Variants in RXFP2 observed in about 807,000 individuals in gnomAD.
RXFP2 encodes the protein relaxin family peptide receptor 2.
A neutral mutation model predicts 88.6 loss-of-function variants in RXFP2; 68 were observed. The ratio of observed to expected loss-of-function variants is 0.77; its 90% CI spans 0.63 to 0.94. RXFP2 has a LOEUF of 0.94. Among genes scored for constraint, RXFP2 ranks in the 40% least tolerant of loss-of-function variants. The pLI, the probability that RXFP2 is intolerant of heterozygous loss-of-function variation, is 0.00. For synonymous variants in RXFP2, 329 were observed against 306.8 expected (o/e 1.07, Z -0.76); for missense variants, 791 against 893.9 (o/e 0.88, Z 1.47).
At chr13:31,774,246 T>C (rs1872841835) in intron 5 of RXFP2, among the ~76,000 whole-genome samples, 1 of 152,218 alleles carries the variant, frequency 6.6e-6, no homozygotes, top group Non-Finnish European at 1.5e-5. Context: ...TGCATCTCTG[T>C]GCACAAAGAG....
chr13:31,790,262 G>A (rs1198295189), intron 14 of RXFP2, among the ~76,000 whole-genome samples: 5 of 152,054 alleles, frequency 3.3e-5, no homozygotes, highest in Non-Finnish European at 7.4e-5. Flanking sequence ...TGGTCACAGC[G>A]CAAGGGGGCC....
At chr13:31,771,858 G>C (rs931487819) in intron 5 of RXFP2, among the ~76,000 whole-genome samples, 13 of 151,540 alleles carry the variant, frequency 8.6e-5, no homozygotes, top group Non-Finnish European at 1.5e-5. Context: ...GGGGACTGTT[G>C]TCCTGCGAGA....
chr13:31,788,807 C>T (rs981530395), intron 13 of RXFP2, among the ~76,000 whole-genome samples: 1 of 152,188 alleles, frequency 6.6e-6, no homozygotes, highest in Non-Finnish European at 1.5e-5. Context: ...TATGGCATTA[C>T]TTATATTAAT....
chr13:31,803,113 G>A lies in RXFP2; in HGVS notation c.*708G>A, dbSNP rs1265868439. The A allele has an allele frequency of 6.6e-6, 1 of 152,244 alleles. No individual in the cohort carries two copies. The highest frequency in any genetic ancestry group is 1.5e-5 in the Non-Finnish European group (1 of 68,114). 9.4% of individuals were successfully genotyped at this position (152,244 alleles called of 1,614,324 possible). On this transcript the variant is annotated 3_prime_UTR_variant, in exon 18 of 18. Coordinates refer to ENST00000298386, the MANE Select transcript of RXFP2 (RefSeq NM_130806.5). ...CACAAACAAATTGGACACTTTCACT[G>A]CTAAAAAGTACACTTTAATATTCTT...
Position 31,791,931 on chromosome 13 carries a change from T to G in RXFP2, c.1271T>G (p.Val424Gly). 6.2e-7 allele frequency: 1 copy of G among 1,614,186 alleles called. No homozygotes were observed. Among genetic ancestry groups the G allele is most frequent in the Non-Finnish European group, 8.5e-7 (1 of 1,180,010 alleles). ...ANNILRIFVW[V>G]IAFITCFGNL... ...AATATCCTCAGAATATTTGTCTGGG[T>G]TATAGCTTTCATTACCTGCTTTGGA... Residue 424 changes from valine to glycine, a missense_variant, in exon 15 of 18, where the codon GTT becomes GGT. Coordinates refer to ENST00000298386, the MANE Select transcript of RXFP2 (RefSeq NM_130806.5).
chr13:31,778,146 C>A (rs1360845169), intron 8 of RXFP2, among the ~76,000 whole-genome samples: 1 of 152,056 alleles, frequency 6.6e-6, no homozygotes, highest in African/African-American at 2.4e-5. Flanking sequence ...TAATGATGCC[C>A]TTAAGAAGAA....
chr13:31,742,867 C>CTATT (rs1871270769), intron 1 of RXFP2, among the ~76,000 whole-genome samples: 1 of 143,526 alleles, frequency 7.0e-6, no homozygotes, highest in Non-Finnish European at 1.5e-5. Flanking sequence ...CAGTACATAT[C>CTATT]TATTTAAGAG....
chr13:31,802,234 T>TA lies in RXFP2; in HGVS notation c.2096dup (p.Asp700GlyfsTer19). 1 of 1,614,044 alleles carries TA rather than the reference T, an allele frequency of 6.2e-7. No individual in the cohort carries two copies. Among genetic ancestry groups the TA allele is most frequent in the South Asian group, 1.1e-5 (1 of 91,072 alleles). ...TCTATACTCTCACAACCAACTTTTTTAAGGACAAGTTGAAACAGCTGCTGC... is the reference window on the plus strand; with the variant it reads ...TCTATACTCTCACAACCAACTTTTTTAAAGGACAAGTTGAAACAGCTGCTGC... On this transcript the variant is annotated frameshift_variant, in exon 18 of 18. Coordinates refer to ENST00000298386, the MANE Select transcript of RXFP2 (RefSeq NM_130806.5). LOFTEE classifies it high-confidence loss of function.
chr13:31,792,520 G>A (rs1334836075), intron 15 of RXFP2, among the ~76,000 whole-genome samples, 158 bp from the exon 16 acceptor site: 3 of 151,958 alleles, frequency 2.0e-5, no homozygotes, highest in South Asian at 2.1e-4. Context: ...AAGTCCACTC[G>A]CTTCTTGGTA....
intron 16 of RXFP2, among the ~76,000 whole-genome samples, chr13:31,793,763 C>T (rs1301693014): frequency 2.0e-5 from 3 of 152,106 alleles, no homozygotes; most frequent in East Asian, 3.8e-4. Context: ...CTCTTTGGGG[C>T]GATCTTCTTT....
At chr13:31,739,819 C>T in intron 1 of RXFP2, 113 bp downstream of exon 1, 1 of 743,502 alleles carries the variant, frequency 1.3e-6, no homozygotes, top group Non-Finnish European at 2.4e-6. Flanking sequence ...AAAAAACAGA[C>T]ATCAAATTTG....
intron 4 of RXFP2, 80 bp downstream of exon 4, chr13:31,765,222 T>C (rs1325967992): frequency 1.2e-6 from 1 of 838,440 alleles, no homozygotes; most frequent in Non-Finnish European, 2.1e-6. Flanking sequence ...GTGTTGCTTG[T>C]GCATTAGCAA....
At chr13:31,797,641 A>G (rs1328561472) in intron 17 of RXFP2, among the ~76,000 whole-genome samples, 1 of 152,220 alleles carries the variant, frequency 6.6e-6, no homozygotes, top group Non-Finnish European at 1.5e-5. Flanking sequence ...ACTAAGTCTG[A>G]GTATCTTGCT....
chr13:31,794,401 CACACACACCAT>C (rs1873933597), intron 16 of RXFP2, among the ~76,000 whole-genome samples: 1 of 149,624 alleles, frequency 6.7e-6, no homozygotes, highest in Admixed American at 6.7e-5. Flanking sequence ...CACACACACA[CACACACACCAT>C]GACATGCATT....
At chr13:31,794,223 A>G (rs1253655972) in intron 16 of RXFP2, among the ~76,000 whole-genome samples, 1 of 152,016 alleles carries the variant, frequency 6.6e-6, no homozygotes, top group Non-Finnish European at 1.5e-5. Context: ...CTCACACACT[A>G]CCCTATTTGG....
chr13:31,778,946 T>A (rs1873127855), intron 9 of RXFP2, among the ~76,000 whole-genome samples: 1 of 152,110 alleles, frequency 6.6e-6, no homozygotes, highest in African/African-American at 2.4e-5. Context: ...ACATTTCCTT[T>A]GAAAGACAAC....
At chr13:31,756,985 T>C (rs918073682) in intron 1 of RXFP2, among the ~76,000 whole-genome samples, 2 of 152,220 alleles carry the variant, frequency 1.3e-5, no homozygotes, top group Admixed American at 1.3e-4. Flanking sequence ...TGTCTCTTTA[T>C]TTTCTGAAAA....
intron 13 of RXFP2, 95 bp from the exon 14 acceptor site, chr13:31,789,027 A>T: frequency 1.2e-6 from 1 of 812,872 alleles, no homozygotes; most frequent in Non-Finnish European, 2.1e-6. Flanking sequence ...TGGTAACATA[A>T]GATCTTGAAG....
In RXFP2 at chr13:31,792,678, G is replaced by A. The variant is rs1053235209; in HGVS notation, c.1376G>A (p.Cys459Tyr). 10 of 1,613,870 alleles carry A rather than the reference G, an allele frequency of 6.2e-6. No homozygotes were observed. Among genetic ancestry groups the A allele is most frequent in the Non-Finnish European group, 8.5e-6 (10 of 1,179,946 alleles). ...ATACACTGTTTCAATTCTTCCACAGGTGCTGATTGCCTGATGGGTGTTTAC... is the reference window on the plus strand; with the variant it reads ...ATACACTGTTTCAATTCTTCCACAGATGCTGATTGCCTGATGGGTGTTTAC... ...THAMSIKILC[C>Y]ADCLMGVYLF... The change falls in exon 16 of 18, where the codon TGT (cysteine) becomes TAT (tyrosine). Residue 459 changes from cysteine to tyrosine, a missense_variant and splice_region_variant. Physicochemically the swap from Cys to Tyr is radical, Grantham distance 194. Transcript: ENST00000298386.
Sources: allele counts gnomAD v4.1 joint callset (sites outside exome capture counted in the v4.1 genomes callset), GRCh38; gene constraint gnomAD v4.1.1; transcripts MANE v1.5; gene names NCBI Gene and HGNC (gene_info 2026-07-23, HGNC 2026-07-21).